The following FAM222B variants were observed in gnomAD, a reference collection of about 807,000 sequenced individuals.
FAM222B encodes the protein family with sequence similarity 222 member B, also known as protein FAM222B.
In FAM222B, 12 loss-of-function variants were observed where a neutral mutation model predicts 38.0. That is an observed-to-expected ratio of 0.32 (90% CI 0.20 to 0.51). The LOEUF (loss-of-function observed/expected upper bound fraction) is 0.51, where lower values mean the gene tolerates loss of function less well. Among genes scored for constraint, FAM222B ranks in the 20% least tolerant of loss-of-function variants. FAM222B has a pLI of 0.97. For missense variants in FAM222B, 716 were observed against 754.2 expected, an observed-to-expected ratio of 0.95 and a Z score of 0.59; for synonymous variants, 329 against 317.2, an observed-to-expected ratio of 1.04 and a Z score of -0.40.
At chr17:28,803,202 T>A (rs2037320676) in intron 1 of FAM222B, among the ~76,000 whole-genome samples, 1 of 152,026 alleles carries the variant, frequency 6.6e-6, no homozygotes, top group Non-Finnish European at 1.5e-5. Context: ...GAGACAGTGT[T>A]TCACCAGGTT....
At chr17:28,849,305 T>C (rs573032548) in intron 1 of FAM222B, 4 of 151,992 alleles carry the variant, frequency 2.6e-5, no homozygotes, top group African/African-American at 7.2e-5. Context: ...AGCACTGTAA[T>C]TGACACTTAG....
intron 2 of FAM222B, among the ~76,000 whole-genome samples, chr17:28,761,133 G>A (rs778092686): frequency 7.2e-5 from 11 of 152,196 alleles, no homozygotes; most frequent in South Asian, 2.1e-4. Context: ...ATGCCCACTC[G>A]GTGTGCCTCA....
intron 1 of FAM222B, among the ~76,000 whole-genome samples, chr17:28,783,726 G>A (rs1414260510): frequency 6.6e-6 from 1 of 152,072 alleles, no homozygotes; most frequent in African/African-American, 2.4e-5. Flanking sequence ...GGCCAGGCTG[G>A]TCTTGAACTC....
At chr17:28,772,849 C>A (rs1255240769) in intron 1 of FAM222B, among the ~76,000 whole-genome samples, 1 of 152,086 alleles carries the variant, frequency 6.6e-6, no homozygotes, top group African/African-American at 2.4e-5. Flanking sequence ...GAGCCGAGAT[C>A]GCGCCACTGC....
intron 1 of FAM222B, among the ~76,000 whole-genome samples, chr17:28,841,785 A>T (rs1228848982): frequency 6.6e-6 from 1 of 152,200 alleles, no homozygotes. Context: ...TCGGGTGAGG[A>T]GCTGCAAACC....
intron 2 of FAM222B, among the ~76,000 whole-genome samples, chr17:28,765,261 T>C (rs1041279172): frequency 1.3e-5 from 2 of 152,228 alleles, no homozygotes; most frequent in Non-Finnish European, 2.9e-5. Context: ...TGTTCTCACA[T>C]GGCAGGGGCT....
chr17:28,835,894 G>A (rs558657074), intron 1 of FAM222B, among the ~76,000 whole-genome samples: 2 of 151,706 alleles, frequency 1.3e-5, no homozygotes, highest in South Asian at 2.1e-4. Flanking sequence ...AGGCTGGTCT[G>A]GAACTCCTGG....
In FAM222B at chr17:28,757,329, TAC is replaced by T. The variant is rs2034750482; in HGVS notation, c.*939_*940del. On this transcript the variant is annotated 3_prime_UTR_variant, in exon 3 of 3. Coordinates refer to ENST00000581407, the MANE Select transcript of FAM222B (RefSeq NM_001077498.3). ...ATACAGAAACGTAACGTTTAAAACT[TAC>T]AGTGTAGAGCAATATTCTTAGCCAG... The T allele has an allele frequency of 6.6e-6, 1 of 152,472 alleles. No individual in the cohort carries two copies. Among genetic ancestry groups the T allele is most frequent in the Admixed American group, 6.5e-5 (1 of 15,276 alleles). 9.4% of individuals were successfully genotyped at this position (152,472 alleles called of 1,614,324 possible). A position where few individuals can be genotyped will look rare whatever the true frequency, so the allele number is the denominator to read the frequency against.
intron 1 of FAM222B, among the ~76,000 whole-genome samples, chr17:28,785,095 A>G (rs2036346357): frequency 6.6e-6 from 1 of 152,092 alleles, no homozygotes; most frequent in African/African-American, 2.4e-5. Context: ...TAGATGGAAC[A>G]AGTATTATTC....
At chr17:28,791,675 A>ATTTTTTTTTTTTTTTTTTTTTTTTTTT (rs869183871) in intron 1 of FAM222B, among the ~76,000 whole-genome samples, 1 of 116,850 alleles carries the variant, frequency 8.6e-6, no homozygotes. Context: ...GAGCCCAGGA[A>ATTTTTTTTTTTTTTTTTTTTTTTTTTT]TTTTTTTTTT....
chr17:28,793,728 G>C (rs1172431405), intron 1 of FAM222B, among the ~76,000 whole-genome samples: 1 of 150,544 alleles, frequency 6.6e-6, no homozygotes, highest in African/African-American at 2.4e-5. Flanking sequence ...GTCATATTCT[G>C]CCATACTCAA....
chr17:28,851,873 CAA>C lies in FAM222B; in HGVS notation c.-41+3075_-41+3076del, dbSNP rs35357029. On this transcript the variant is annotated intron_variant, in intron 1 of 2. Coordinates refer to the FAM222B transcript ENST00000577513. ...CTGGGCAATGAGAAAGACTCCATCTCAAAAAAAAAAAAAAAACCAAAAACAGA... is the reference window on the plus strand; with the variant it reads ...CTGGGCAATGAGAAAGACTCCATCTCAAAAAAAAAAAAAACCAAAAACAGA... Among the ~76,000 whole-genome samples, 29 of 112,602 alleles carry C rather than the reference CAA, an allele frequency of 2.6e-4. 1 individual carries two copies. Among genetic ancestry groups the C allele is most frequent in the Admixed American group, 1.4e-3 (15 of 10,842 alleles). The allele number at this position is 112,602 out of a possible 152,430, so 73.9% of individuals were successfully genotyped here.
intron 1 of FAM222B, among the ~76,000 whole-genome samples, chr17:28,842,335 T>G (rs576955076): frequency 6.6e-6 from 1 of 152,002 alleles, no homozygotes; most frequent in South Asian, 2.1e-4. Flanking sequence ...CAGAGGTGGC[T>G]TCTTAAGCTC....
At chr17:28,816,636 A>C (rs1284628789) in intron 1 of FAM222B, among the ~76,000 whole-genome samples, 1 of 152,190 alleles carries the variant, frequency 6.6e-6, no homozygotes. Context: ...CGGAATAAAA[A>C]AAACAAAAAA....
intron 1 of FAM222B, among the ~76,000 whole-genome samples, chr17:28,841,037 G>T (rs1271241582): frequency 6.6e-6 from 1 of 152,138 alleles, no homozygotes; most frequent in Non-Finnish European, 1.5e-5. Context: ...GCTCACGCCT[G>T]TAATCCCGGC....
intron 1 of FAM222B, chr17:28,849,571 C>A (rs1358188669): frequency 1.3e-5 from 2 of 152,192 alleles, no homozygotes; most frequent in African/African-American, 4.8e-5. Context: ...GCTGCAACAC[C>A]CAAGGTTGGT....
At chr17:28,818,005 G>A (rs1160302377) in intron 1 of FAM222B, among the ~76,000 whole-genome samples, 1 of 152,094 alleles carries the variant, frequency 6.6e-6, no homozygotes, top group Non-Finnish European at 1.5e-5. Context: ...AGCATTATCT[G>A]GTAAAGAAGA....
chr17:28,797,393 C>T (rs2036993353), intron 1 of FAM222B, among the ~76,000 whole-genome samples: 2 of 151,778 alleles, frequency 1.3e-5, no homozygotes, highest in Admixed American at 1.3e-4. Flanking sequence ...TCTCTGAGCT[C>T]CAGAGATAAA....
At chr17:28,819,802 G>A (rs1258898497) in intron 1 of FAM222B, among the ~76,000 whole-genome samples, 3 of 152,100 alleles carry the variant, frequency 2.0e-5, no homozygotes, top group South Asian at 2.1e-4. Context: ...GAAATAAAAC[G>A]TCTCTAAGAA....
Sources: gnomAD v4.1 joint callset for allele counts (sites outside exome capture counted in the v4.1 genomes callset) on GRCh38, gnomAD v4.1.1 for gene constraint, MANE v1.5 for transcripts, NCBI Gene and HGNC (gene_info 2026-07-23, HGNC 2026-07-21) for gene names.